SLC25A47: variants seen among roughly 807,000 people sequenced by gnomAD.
The protein encoded by SLC25A47 is solute carrier family 25 member 47.
Under a neutral mutation model 29.8 loss-of-function variants are expected in SLC25A47, and 30 were observed. That is an observed-to-expected ratio of 1.01 (90% CI 0.75 to 1.36). The LOEUF is 1.36. Ranked by LOEUF, SLC25A47 falls within the 40% of genes most tolerant of loss-of-function variation. The pLI is 0.00. For synonymous variants in SLC25A47, 204 were observed against 197.8 expected (o/e 1.03, Z -0.26); for missense variants, 430 against 441.9 (o/e 0.97, Z 0.24).
At position 100,326,003 on chromosome 14, in the gene SLC25A47, G is replaced by C. The variant is rs546247395; in HGVS notation, c.73-154G>C. ...CCCACTTTCTCACCCCTGTGCCCCAGGTTTCTCGTCTAACACAAGGCTCCC... is the reference window on the plus strand; with the variant it reads ...CCCACTTTCTCACCCCTGTGCCCCACGTTTCTCGTCTAACACAAGGCTCCC... On this transcript the variant is annotated intron_variant, in intron 2 of 5. Transcript: ENST00000361529. The C allele has an allele frequency of 1.5e-5, 15 of 968,346 alleles. No individual in the cohort carries two copies. In the African/African-American group the frequency reaches 2.3e-4, roughly 15 times the overall value. 60.0% of individuals were successfully genotyped at this position (968,346 alleles called of 1,614,324 possible).
intron 1 of SLC25A47, among the ~76,000 whole-genome samples, chr14:100,325,345 A>T (rs1893317003): frequency 6.6e-6 from 1 of 152,172 alleles, no homozygotes; most frequent in Admixed American, 6.6e-5. Context: ...CCACCCACGC[A>T]GCCAAAACAC....
In SLC25A47 at chr14:100,328,602, C is replaced by T; in HGVS notation, c.328-124C>T. On this transcript the variant is annotated intron_variant, in intron 4 of 5. Coordinates refer to ENST00000361529, the MANE Select transcript of SLC25A47 (RefSeq NM_207117.4). Reference sequence around the variant, plus strand: ...CCGTGGCCCCCCAGCCCTGGGCCAGCCTGCAGGGTCTCGGGGCCCAACCTC... The same window carrying T: ...CCGTGGCCCCCCAGCCCTGGGCCAGTCTGCAGGGTCTCGGGGCCCAACCTC... 5.9e-6 allele frequency: 6 copies of T among 1,009,310 alleles called. No homozygotes were observed. The South Asian group carries it at 8.4e-5, about 14-fold the overall frequency. 62.5% of individuals were successfully genotyped at this position (1,009,310 alleles called of 1,614,324 possible).
rs1218154194 is a variant in SLC25A47, at chr14:100,329,567, C to T, written c.849C>T (p.Cys283=). Residue 283 remains cysteine, a synonymous_variant, in exon 6 of 6, where the codon TGC becomes TGT. Coordinates refer to ENST00000361529, the MANE Select transcript of SLC25A47 (RefSeq NM_207117.4). ...VLFKGLVLNC[C]RAFPVNMVVF... ...TCAAGGGGCTGGTACTCAATTGCTG[C>T]CGCGCCTTCCCTGTCAACATGGTGG... is the stretch of plus-strand genomic sequence containing the variant. 5 of 1,613,698 alleles carry T rather than the reference C, an allele frequency of 3.1e-6. No homozygotes were observed. The highest frequency in any genetic ancestry group is 1.3e-5 in the African/African-American group (1 of 75,066).
In SLC25A47 at chr14:100,327,378, G is replaced by C. The variant is rs1566824760; in HGVS notation, c.327+8G>C. 1 of 1,583,222 alleles carries C rather than the reference G, an allele frequency of 6.3e-7. No individual in the cohort carries two copies. The highest frequency in any genetic ancestry group is 8.5e-7 in the Non-Finnish European group (1 of 1,170,598). ...GCCTCCGGCCTCGTCCGCGTGAGTA[G>C]GGGCAGCCAGGGTGGGGAAGGCCCA... On this transcript the variant is annotated splice_region_variant and intron_variant, in intron 4 of 5. Coordinates refer to ENST00000361529, the MANE Select transcript of SLC25A47 (RefSeq NM_207117.4).
At chr14:100,329,180 C>T (rs1893401225) in intron 5 of SLC25A47, 136 bp downstream of exon 5, 1 of 1,212,982 alleles carries the variant, frequency 8.2e-7, no homozygotes, top group South Asian at 1.5e-5. Context: ...CTCCTCAGTT[C>T]TCCCAACACC....
rs1595388993 is a variant in SLC25A47, at chr14:100,326,318, C to T, written c.144+90C>T. On this transcript the variant is annotated intron_variant, in intron 3 of 5. Transcript: ENST00000361529. ...CCAGCAGGTGATGCCAGGCTCCCCG[C>T]TGGGTCTCAGCTCTCTCACCTTCCA... 4.1e-6 allele frequency: 5 copies of T among 1,210,212 alleles called. No individual in the cohort carries two copies. In the East Asian group the frequency reaches 1.2e-4, roughly 29 times the overall value. The allele number at this position is 1,210,212 out of a possible 1,614,324, so 75.0% of individuals were successfully genotyped here. A position where few individuals can be genotyped will look rare whatever the true frequency, so the allele number is the denominator to read the frequency against.
Position 100,327,203 on chromosome 14 carries a change from C to T in SLC25A47, c.160C>T (p.Arg54Trp), listed in dbSNP as rs765646850. ...YHRERVWGFY[R>W]GLSLPVCTVS... ...TGTCTGCTAGGTGTGGGGCTTCTAC[C>T]GGGGCCTCTCGCTGCCCGTGTGCAC... The change falls in exon 4 of 6, where the codon CGG becomes TGG. Residue 54 changes from arginine to tryptophan, a missense_variant. Coordinates refer to ENST00000361529, the MANE Select transcript of SLC25A47 (RefSeq NM_207117.4). The T allele has an allele frequency of 7.5e-6, 12 of 1,606,672 alleles. No individual in the cohort carries two copies. In the East Asian group the frequency reaches 8.9e-5, roughly 12 times the overall value.
intron 3 of SLC25A47, among the ~76,000 whole-genome samples, chr14:100,326,928 C>G (rs1235143684): frequency 6.6e-6 from 1 of 152,026 alleles, no homozygotes; most frequent in Non-Finnish European, 1.5e-5. Flanking sequence ...GAGTTAAGAT[C>G]GTGCCACTGC....
intron 1 of SLC25A47, among the ~76,000 whole-genome samples, chr14:100,323,859 A>C (rs1183260489): frequency 1.3e-5 from 2 of 152,078 alleles, no homozygotes; most frequent in Non-Finnish European, 2.9e-5. Context: ...AGGGACTGGA[A>C]GGGGCGGGCA....
Position 100,325,784 on chromosome 14 carries a change from G to A in SLC25A47, c.29-4G>A. ...CTCACCGTGGGCCTCTTCTTTCCTT[G>A]CAGGCGTCTGCGGTGTTGCTGTGGG... On this transcript the variant is annotated splice_region_variant and splice_polypyrimidine_tract_variant and intron_variant, in intron 1 of 5. Transcript: ENST00000361529. 6.2e-7 allele frequency: 1 copy of A among 1,612,706 alleles called. No individual in the cohort carries two copies. Among genetic ancestry groups the A allele is most frequent in the Non-Finnish European group, 8.5e-7 (1 of 1,179,356 alleles).
intron 1 of SLC25A47, among the ~76,000 whole-genome samples, chr14:100,325,322 C>G (rs1893316419): frequency 6.6e-6 from 1 of 152,220 alleles, no homozygotes; most frequent in Non-Finnish European, 1.5e-5. Flanking sequence ...CCAGGCTGTG[C>G]CTCCCCCTCC....
In SLC25A47 at chr14:100,327,117, TGA is replaced by T. The variant is rs1254006159; in HGVS notation, c.145-69_145-68del. 10 of 1,456,058 alleles carry T rather than the reference TGA, an allele frequency of 6.9e-6. No homozygotes were observed. In the African/African-American group the frequency reaches 1.4e-4, roughly 20 times the overall value. The allele number at this position is 1,456,058 out of a possible 1,614,324, so 90.2% of individuals were successfully genotyped here. On this transcript the variant is annotated intron_variant, in intron 3 of 5. Transcript: ENST00000361529. ...CCGACAGCGGAGTGCGGAGCAGGGC[TGA>T]GTGTGGGCTCCCTCGGGTGGCTCCT...
rs561793788 is a variant in SLC25A47, at chr14:100,323,349, C to T, written c.-66C>T. 4 of 1,595,310 alleles carry T rather than the reference C, an allele frequency of 2.5e-6. No individual in the cohort carries two copies. Among genetic ancestry groups the T allele is most frequent in the African/African-American group, 2.7e-5 (2 of 74,726 alleles). On this transcript the variant is annotated 5_prime_UTR_variant, in exon 1 of 6. Transcript: ENST00000361529. ...AGGGGCCAGCTGGGAGCTGTTGAGG[C>T]CACCCTGGTGGCACCAAAGCCCTCT...
chr14:100,328,619 C>A, intron 4 of SLC25A47, 107 bp from the exon 5 acceptor site: 1 of 1,224,856 alleles, frequency 8.2e-7, no homozygotes, highest in Non-Finnish European at 1.2e-6. Flanking sequence ...GGTCTCGGGG[C>A]CCAACCTCCT....
intron 1 of SLC25A47, 81 bp downstream of exon 1, chr14:100,323,523 G>A: frequency 6.4e-7 from 1 of 1,558,728 alleles, no homozygotes; most frequent in Non-Finnish European, 8.8e-7. Context: ...GAAGGTGCTG[G>A]GCAGCAGGGT....
In SLC25A47 at chr14:100,329,797, C is replaced by A; in HGVS notation, c.*152C>A. ...TCCCTGCAGTGTTGTCGGCCGAGGC[C>A]TGAGCTCGCCCTGCCCAGCTACTGA... On this transcript the variant is annotated 3_prime_UTR_variant, in exon 6 of 6. Transcript: ENST00000361529. 7 of 1,083,558 alleles carry A rather than the reference C, an allele frequency of 6.5e-6. No homozygotes were observed. In the South Asian group the frequency reaches 1.1e-4, roughly 17 times the overall value. 67.1% of individuals were successfully genotyped at this position (1,083,558 alleles called of 1,614,324 possible).
chr14:100,328,703 C>T (rs2139847766), intron 4 of SLC25A47, 23 bp from the exon 5 acceptor site: 2 of 1,611,758 alleles, frequency 1.2e-6, no homozygotes, highest in South Asian at 2.2e-5. Flanking sequence ...GGTGGCTGAC[C>T]CCTGCTTCCT....
Position 100,329,832 on chromosome 14 carries a change from G to A in SLC25A47, c.*187G>A, listed in dbSNP as rs114279134. The A allele has an allele frequency of 2.5e-4, 201 of 812,968 alleles. No homozygotes were observed. In the African/African-American group the frequency reaches 3.1e-3, roughly 13 times the overall value. 50.4% of individuals were successfully genotyped at this position (812,968 alleles called of 1,614,324 possible). On this transcript the variant is annotated 3_prime_UTR_variant, in exon 6 of 6. Coordinates refer to ENST00000361529, the MANE Select transcript of SLC25A47 (RefSeq NM_207117.4). ...CCTGCCCAGCTACTGACCTCAGGTC[G>A]AGGGGCCCGCCAGCCATCAGCCAGG...
In SLC25A47 at chr14:100,329,373, G is replaced by C; in HGVS notation, c.655G>C (p.Gly219Arg). 6.2e-7 allele frequency: 1 copy of C among 1,601,986 alleles called. No homozygotes were observed. The highest frequency in any genetic ancestry group is 8.5e-7 in the Non-Finnish European group (1 of 1,174,252). ...PAGHSRPDVPGVLVAGGCAGV... is the reference protein window; with the variant it reads ...PAGHSRPDVPRVLVAGGCAGV... ...CTGTGGTCTCTCTGCAGATGTCCCG[G>C]GCGTGCTGGTGGCCGGGGGCTGTGC... is the stretch of plus-strand genomic sequence containing the variant. Residue 219 changes from glycine (G) to arginine (R), a missense_variant, in exon 6 of 6, where the codon GGC (glycine) becomes CGC (arginine). Gly to Arg is a moderately radical substitution (Grantham distance 125). Transcript: ENST00000361529.
Sources: allele counts gnomAD v4.1 joint callset (sites outside exome capture counted in the v4.1 genomes callset), GRCh38; gene constraint gnomAD v4.1.1; transcripts MANE v1.5; gene names NCBI Gene and HGNC (gene_info 2026-07-23, HGNC 2026-07-21).